DNAH12: variants seen among roughly 807,000 people sequenced by gnomAD.
DNAH12 encodes dynein axonemal heavy chain 12.
A neutral mutation model predicts 371.5 loss-of-function variants in DNAH12; 285 were observed. The ratio of observed to expected loss-of-function variants is 0.77; its 90% CI spans 0.70 to 0.85. DNAH12 has a LOEUF of 0.85. Among genes scored for constraint, DNAH12 ranks in the 40% least tolerant of loss-of-function variants. The pLI is 0.00. For synonymous variants in DNAH12, 1,200 were observed against 1,213.0 expected, an observed-to-expected ratio of 0.99 and a Z score of 0.22; for missense variants, 3,611 against 3,689.4, an observed-to-expected ratio of 0.98 and a Z score of 0.55.
chr3:57,533,105 C>T (rs565924309), intron 2 of DNAH12, among the ~76,000 whole-genome samples: 44 of 152,326 alleles, frequency 2.9e-4, no homozygotes, highest in Admixed American at 3.9e-4. Context: ...CCTCACCCCA[C>T]GGCCACCAAT....
intron 23 of DNAH12, 122 bp downstream of exon 23, chr3:57,454,653 T>C: frequency 7.5e-7 from 1 of 1,341,274 alleles, no homozygotes; most frequent in Non-Finnish European, 1.0e-6. Flanking sequence ...GAGGATTTCT[T>C]GAGGCCAGGA....
At chr3:57,473,413 G>C (rs923625689) in intron 13 of DNAH12, among the ~76,000 whole-genome samples, 2 of 151,980 alleles carry the variant, frequency 1.3e-5, no homozygotes, top group Non-Finnish European at 2.9e-5. Context: ...TTGAACCCAG[G>C]AGGTGGAGGT....
At chr3:57,439,314 A>T (rs1049587613) in intron 29 of DNAH12, among the ~76,000 whole-genome samples, 1 of 152,242 alleles carries the variant, frequency 6.6e-6, no homozygotes. Flanking sequence ...CTATAAGATT[A>T]CAGTAACCAA....
intron 43 of DNAH12, among the ~76,000 whole-genome samples, chr3:57,398,570 TACA>T (rs2063791958): frequency 2.0e-5 from 3 of 152,222 alleles, no homozygotes; most frequent in Non-Finnish European, 4.4e-5. Flanking sequence ...ACTTGTCATC[TACA>T]AGGGAATTAC....
At chr3:57,363,980 T>A (rs918208242) in intron 57 of DNAH12, among the ~76,000 whole-genome samples, 194 bp from the exon 58 acceptor site, 13 of 152,134 alleles carry the variant, frequency 8.5e-5, no homozygotes, top group African/African-American at 3.1e-4. Flanking sequence ...ACACGTAAAA[T>A]GTGGCAATAA....
At position 57,421,687 on chromosome 3, in the gene DNAH12, A is replaced by G. The variant is rs2064586218; in HGVS notation, c.5393T>C (p.Leu1798Ser). 6.4e-7 allele frequency: 1 copy of G among 1,551,616 alleles called. No individual in the cohort carries two copies. Among genetic ancestry groups the G allele is most frequent in the Non-Finnish European group, 8.7e-7 (1 of 1,146,978 alleles). The change falls in exon 36 of 74, where the codon TTG (leucine) becomes TCG (serine). Residue 1798 changes from leucine to serine, a missense_variant. By Grantham distance (145) the Leu-to-Ser change is moderately radical (BLOSUM62 -2). Transcript: ENST00000495027. Reference protein sequence around the residue: ...VWIMACFIFSLIWSIGGSCDT... With the variant: ...VWIMACFIFSSIWSIGGSCDT... ...ACAACTTCCTCCAATCGACCAAATC[A>G]AAGAGAATATAAAGCAAGCCTGTTG...
At chr3:57,510,744 G>T (rs771637896) in intron 5 of DNAH12, 46 bp downstream of exon 5, 6 of 1,572,786 alleles carry the variant, frequency 3.8e-6, no homozygotes, top group African/African-American at 1.4e-5. Flanking sequence ...GGGGACGGGG[G>T]GAGGCCAAGG....
intron 34 of DNAH12, 74 bp downstream of exon 34, chr3:57,428,559 C>T: frequency 6.6e-7 from 1 of 1,512,402 alleles, no homozygotes; most frequent in Non-Finnish European, 8.8e-7. Flanking sequence ...TTCTACCAAC[C>T]ACTGTGACTT....
chr3:57,363,125 G>C (rs2062974824), intron 58 of DNAH12, among the ~76,000 whole-genome samples: 1 of 152,060 alleles, frequency 6.6e-6, no homozygotes, highest in Non-Finnish European at 1.5e-5. Flanking sequence ...ATAACACCAT[G>C]CATCTATAAC....
In DNAH12 at chr3:57,334,440, C is replaced by T. The variant is rs544361076; in HGVS notation, c.9978+25G>A. The T allele has an allele frequency of 2.4e-5, 36 of 1,525,846 alleles. No individual in the cohort carries two copies. In the East Asian group the frequency reaches 2.7e-4, roughly 11 times the overall value. The allele number at this position is 1,525,846 out of a possible 1,614,324, so 94.5% of individuals were successfully genotyped here. On this transcript the variant is annotated intron_variant, in intron 62 of 73. Transcript: ENST00000495027. ...CATAAATGGCAAATTATCTGGGTTC[C>T]AAATAGAACACATTGGTCTTTTACC...
chr3:57,467,709 G>A (rs924606716), intron 17 of DNAH12, among the ~76,000 whole-genome samples: 1 of 152,056 alleles, frequency 6.6e-6, no homozygotes, highest in Non-Finnish European at 1.5e-5. Flanking sequence ...TGCCCTAATA[G>A]GTCTGAGCAA....
chr3:57,393,365 C>T (rs932323172), intron 44 of DNAH12, among the ~76,000 whole-genome samples: 82,155 of 151,780 alleles, frequency 0.54, 22,450 homozygotes, highest in East Asian at 0.61. Context: ...AGGTGGCTCA[C>T]GCCTGTAATC....
In DNAH12 at chr3:57,425,202, C is replaced by T. The variant is rs1229036536; in HGVS notation, c.5254-61G>A. On this transcript the variant is annotated intron_variant, in intron 34 of 73. Coordinates refer to ENST00000495027, the MANE Select transcript of DNAH12 (RefSeq NM_001366028.2). ...CATCTTATTTAGAAAATAAGAAAAACACTTTATTTTTAAAAACTGATAAAA... is the reference window on the plus strand; with the variant it reads ...CATCTTATTTAGAAAATAAGAAAAATACTTTATTTTTAAAAACTGATAAAA... 7.5e-6 allele frequency: 5 copies of T among 664,918 alleles called. No individual in the cohort carries two copies. The East Asian group carries it at 1.4e-4, about 18-fold the overall frequency. The allele number at this position is 664,918 out of a possible 1,614,324, so 41.2% of individuals were successfully genotyped here.
At chr3:57,390,214 A>T (rs2063586180) in intron 45 of DNAH12, among the ~76,000 whole-genome samples, 1 of 144,918 alleles carries the variant, frequency 6.9e-6, no homozygotes, top group African/African-American at 2.5e-5. Context: ...GAGGTGGGAG[A>T]CAAGCTTGGG....
intron 12 of DNAH12, among the ~76,000 whole-genome samples, chr3:57,487,597 C>G (rs1315744842): frequency 6.6e-6 from 1 of 151,994 alleles, no homozygotes; most frequent in South Asian, 2.1e-4. Flanking sequence ...CTAAACCAAA[C>G]GGTGAAGTAA....
intron 43 of DNAH12, among the ~76,000 whole-genome samples, chr3:57,398,823 A>AAG (rs1657247275): frequency 6.6e-6 from 1 of 152,220 alleles, no homozygotes; most frequent in South Asian, 2.1e-4. Context: ...GTTGAAACAA[A>AAG]AGAACCTAGA....
In DNAH12 at chr3:57,366,431, C is replaced by T. The variant is rs934211555; in HGVS notation, c.9167+298G>A. 7.9e-5 allele frequency among the ~76,000 whole-genome samples: 12 copies of T among 152,202 alleles called. No individual in the cohort carries two copies. The East Asian group carries it at 1.7e-3, about 22-fold the overall frequency. On this transcript the variant is annotated intron_variant, in intron 57 of 73. Transcript: ENST00000495027. Reference sequence around the variant, plus strand: ...TTGCTTTCATTATACTCTGTGGACTCGCCCTGAATTCTTTCTTGCATGAGA... The same window carrying T: ...TTGCTTTCATTATACTCTGTGGACTTGCCCTGAATTCTTTCTTGCATGAGA...
chr3:57,550,866 A>T, the DNAH12 span, among the ~76,000 whole-genome samples: 17 of 150,722 alleles, frequency 1.1e-4, no homozygotes, highest in African/African-American at 4.1e-4. Flanking sequence ...TTATTGTTTC[A>T]GTGGCTAGAA....
Position 57,502,749 on chromosome 3 carries a change from G to A in DNAH12, c.1087-270C>T, listed in dbSNP as rs575343024. Among the ~76,000 whole-genome samples the A allele has an allele frequency of 5.9e-5, 9 of 152,246 alleles. No homozygotes were observed. In the East Asian group the frequency reaches 1.2e-3, roughly 20 times the overall value. On this transcript the variant is annotated intron_variant, in intron 9 of 73. Coordinates refer to ENST00000495027, the MANE Select transcript of DNAH12 (RefSeq NM_001366028.2). ...ATTTTTAGAGACGGGGTTTCACCAT[G>A]TTGGTCAGGCTGGTCTCGAACTCCT... is the stretch of plus-strand genomic sequence containing the variant.
Sources: allele counts gnomAD v4.1 joint callset (sites outside exome capture counted in the v4.1 genomes callset), GRCh38; gene constraint gnomAD v4.1.1; transcripts MANE v1.5; gene names NCBI Gene and HGNC (gene_info 2026-07-23, HGNC 2026-07-21).